Variants in RBFOX1 observed in about 807,000 individuals in gnomAD.
RBFOX1 encodes the protein RNA binding fox-1 homolog 1, also known as RNA binding protein fox-1 homolog 1.
In RBFOX1, 8 loss-of-function variants were observed where a neutral mutation model predicts 57.7. The observed-to-expected ratio is 0.14, with a 90% CI of 0.08 to 0.25. The LOEUF (loss-of-function observed/expected upper bound fraction) is 0.25. Ranked by LOEUF, RBFOX1 falls within the 10% of genes least tolerant of loss-of-function variation. RBFOX1 has a pLI of 1.00. For synonymous variants in RBFOX1, 326 were observed against 222.4 expected (o/e 1.47, Z -4.15); for missense variants, 611 against 548.5 (o/e 1.11, Z -1.14).
chr16:6,740,946 A>T (rs1347775522), intron 3 of RBFOX1, among the ~76,000 whole-genome samples: 1 of 152,216 alleles, frequency 6.6e-6, no homozygotes, highest in South Asian at 2.1e-4. Flanking sequence ...CAGGTGGGAC[A>T]AACCAGTCTA....
At chr16:5,613,204 C>G (rs2047887585) in intron 3 of RBFOX1, among the ~76,000 whole-genome samples, 1 of 152,170 alleles carries the variant, frequency 6.6e-6, no homozygotes, top group Non-Finnish European at 1.5e-5. Flanking sequence ...GACAAATCTT[C>G]CTTCAGGCTT....
At position 6,654,589 on chromosome 16, in the gene RBFOX1, T is replaced by A; in HGVS notation, c.-63-14T>A. On this transcript the variant is annotated splice_polypyrimidine_tract_variant and intron_variant, in intron 2 of 15. Coordinates refer to ENST00000550418, the MANE Select transcript of RBFOX1 (RefSeq NM_018723.4). ...TTCTTTCTCTCACTTTCCTTTCTTT[T>A]CTTCTCTTCTCAGGATATCAAAGCA... 2.0e-6 allele frequency: 3 copies of A among 1,503,556 alleles called. No individual in the cohort carries two copies. The highest frequency in any genetic ancestry group is 2.6e-5 in the South Asian group (2 of 78,218). 93.1% of individuals were successfully genotyped at this position (1,503,556 alleles called of 1,614,324 possible).
chr16:6,089,409 C>A (rs9938310), intron 1 of RBFOX1, among the ~76,000 whole-genome samples: 2 of 152,106 alleles, frequency 1.3e-5, no homozygotes, highest in Non-Finnish European at 2.9e-5. Flanking sequence ...AAAGAAATAT[C>A]CCATCATTTA....
At chr16:7,395,097 T>TC (rs1368803652) in intron 4 of RBFOX1, among the ~76,000 whole-genome samples, 1 of 152,144 alleles carries the variant, frequency 6.6e-6, no homozygotes. Context: ...AATTTTTTTT[T>TC]CTCTTGAGTT....
intron 3 of RBFOX1, among the ~76,000 whole-genome samples, chr16:5,856,187 C>CTCTCTCTCTCTATATATA (rs1430331422): frequency 1.9e-4 from 6 of 31,062 alleles, no homozygotes; most frequent in African/African-American, 8.5e-4. Flanking sequence ...CTCTCTCTCT[C>CTCTCTCTCTCTATATATA]TATATATATA....
chr16:5,524,903 C>G (rs2044179460), intron 2 of RBFOX1, among the ~76,000 whole-genome samples: 1 of 152,140 alleles, frequency 6.6e-6, no homozygotes. Flanking sequence ...CTCTAACTTC[C>G]CAGCCCCACA....
intron 1 of RBFOX1, among the ~76,000 whole-genome samples, chr16:5,265,696 G>C (rs1364627518): frequency 6.6e-6 from 1 of 152,152 alleles, no homozygotes; most frequent in African/African-American, 2.4e-5. Flanking sequence ...TCCTAGAGGG[G>C]AAGACTTTCA....
chr16:5,530,795 A>G (rs1361757525), intron 2 of RBFOX1, among the ~76,000 whole-genome samples: 2 of 152,046 alleles, frequency 1.3e-5, no homozygotes, highest in African/African-American at 4.8e-5. Flanking sequence ...CCCTTTTAAA[A>G]TCACAGTCCA....
intron 2 of RBFOX1, among the ~76,000 whole-genome samples, chr16:6,477,548 A>G (rs1363628184): frequency 6.6e-6 from 1 of 152,188 alleles, no homozygotes; most frequent in African/African-American, 2.4e-5. Flanking sequence ...TGCTATAAAC[A>G]GATGTCCTGT....
At chr16:7,384,679 C>G (rs1032061273) in intron 4 of RBFOX1, among the ~76,000 whole-genome samples, 2 of 152,128 alleles carry the variant, frequency 1.3e-5, no homozygotes, top group African/African-American at 4.8e-5. Flanking sequence ...TAAGACCATC[C>G]TGTAATGACA....
At position 6,626,729 on chromosome 16, in the gene RBFOX1, C is replaced by A. The variant is rs188438860; in HGVS notation, c.-63-27874C>A. 1.3e-3 allele frequency among the ~76,000 whole-genome samples: 192 copies of A among 151,994 alleles called. 1 individual carries two copies. In the Middle Eastern group the frequency reaches 0.017, roughly 14 times the overall value. On this transcript the variant is annotated intron_variant, in intron 2 of 15. Coordinates refer to ENST00000550418, the MANE Select transcript of RBFOX1 (RefSeq NM_018723.4). ...GAGCCAAGATTGCACCACAGCACCC[C>A]AGCCTGGATGACAGAGTGAGACTCC...
intron 4 of RBFOX1, among the ~76,000 whole-genome samples, chr16:5,996,272 G>A (rs768655161): frequency 6.6e-6 from 1 of 152,028 alleles, no homozygotes; most frequent in Non-Finnish European, 1.5e-5. Flanking sequence ...CTCTACATCC[G>A]CACCATGGCA....
intron 3 of RBFOX1, among the ~76,000 whole-genome samples, chr16:6,951,453 A>G (rs931244097): frequency 2.0e-5 from 3 of 152,156 alleles, no homozygotes; most frequent in Non-Finnish European, 2.9e-5. Context: ...TCACTTAATC[A>G]GGAGCTTTTA....
intron 11 of RBFOX1, among the ~76,000 whole-genome samples, chr16:7,644,935 G>T (rs147481847): frequency 6.6e-6 from 1 of 152,166 alleles, no homozygotes; most frequent in Non-Finnish European, 1.5e-5. Flanking sequence ...GGACAAAGGA[G>T]AGAGAATCTG....
intron 4 of RBFOX1, among the ~76,000 whole-genome samples, chr16:7,220,218 T>C (rs2092617899): frequency 6.6e-6 from 1 of 152,228 alleles, no homozygotes; most frequent in Non-Finnish European, 1.5e-5. Flanking sequence ...CAGCATGCTC[T>C]GAAGCAAGTA....
intron 3 of RBFOX1, among the ~76,000 whole-genome samples, chr16:5,856,739 C>T (rs566948149): frequency 6.6e-6 from 1 of 151,328 alleles, no homozygotes; most frequent in African/African-American, 2.4e-5. Context: ...AGCTTTTCTT[C>T]TGCAGCTTCC....
At chr16:5,638,001 T>C (rs530954912) in intron 3 of RBFOX1, among the ~76,000 whole-genome samples, 1 of 152,362 alleles carries the variant, frequency 6.6e-6, no homozygotes, top group Admixed American at 6.5e-5. Context: ...CCCCTGACTA[T>C]TCTTTCCTTT....
intron 3 of RBFOX1, among the ~76,000 whole-genome samples, chr16:6,741,645 G>A (rs1465831909): frequency 1.3e-5 from 2 of 151,308 alleles, no homozygotes; most frequent in Non-Finnish European, 2.9e-5. Context: ...CTCCAGCCTG[G>A]GCGACAGAGC....
intron 4 of RBFOX1, among the ~76,000 whole-genome samples, chr16:7,269,646 A>G (rs1397768254): frequency 3.9e-5 from 6 of 152,164 alleles, no homozygotes; most frequent in Admixed American, 3.3e-4. Flanking sequence ...AAAAGTTATT[A>G]CCTCTGTTGT....
Sources: allele counts gnomAD v4.1 joint callset (sites outside exome capture counted in the v4.1 genomes callset), GRCh38; gene constraint gnomAD v4.1.1; transcripts MANE v1.5; gene names NCBI Gene and HGNC (gene_info 2026-07-23, HGNC 2026-07-21).